RAD51B: variants seen among roughly 807,000 people sequenced by gnomAD.
RAD51B encodes DNA repair protein RAD51 homolog 2.
A neutral mutation model predicts 42.2 loss-of-function variants in RAD51B; 38 were observed. That is an observed-to-expected ratio of 0.90 (90% CI 0.70 to 1.18). The LOEUF is 1.18. RAD51B is among the 50% of genes most tolerant of loss of function. The probability of loss-of-function intolerance (pLI) is 0.00; values close to 1 mark genes in which losing one functional copy is unlikely to be tolerated. For missense variants in RAD51B, 373 were observed against 400.7 expected (o/e 0.93, Z 0.59); for synonymous variants, 154 against 145.2 (o/e 1.06, Z -0.43).
In RAD51B at chr14:68,411,432, G is replaced by A. The variant is rs963572322; in HGVS notation, c.862G>A (p.Gly288Arg). 6.2e-7 allele frequency: 1 copy of A among 1,613,884 alleles called. No individual in the cohort carries two copies. Among genetic ancestry groups the A allele is most frequent in the African/African-American group, 1.3e-5 (1 of 74,926 alleles). ...TTACCATTTCATTTCAGGCACTTCTGGATCCAGCTGTGTGATAGCCGCACT... is the reference window on the plus strand; with the variant it reads ...TTACCATTTCATTTCAGGCACTTCTAGATCCAGCTGTGTGATAGCCGCACT... ...DDLSLSEGTS[G>R]SSCVIAALGN... The change falls in exon 9 of 11, where the codon GGA becomes AGA. Residue 288 changes from glycine to arginine, a missense_variant. Transcript: ENST00000471583.
At chr14:68,253,811 G>T (rs1420133773) in intron 7 of RAD51B, among the ~76,000 whole-genome samples, 1 of 152,156 alleles carries the variant, frequency 6.6e-6, no homozygotes, top group African/African-American at 2.4e-5. Flanking sequence ...TGACATAAAT[G>T]AGATTCAAAC....
intron 1 of RAD51B, among the ~76,000 whole-genome samples, chr14:67,821,759 G>A (rs2040635293): frequency 6.6e-6 from 1 of 152,150 alleles, no homozygotes; most frequent in African/African-American, 2.4e-5. Context: ...ACCTTGTGTG[G>A]CCTATGGTTC....
At chr14:68,642,547 C>T (rs1892483590) in intron 10 of RAD51B, among the ~76,000 whole-genome samples, 1 of 152,088 alleles carries the variant, frequency 6.6e-6, no homozygotes, top group Admixed American at 6.5e-5. Flanking sequence ...TTGATGTTTT[C>T]AAAGGACCAG....
chr14:68,539,079 A>C (rs539255243), intron 10 of RAD51B, among the ~76,000 whole-genome samples: 26 of 152,330 alleles, frequency 1.7e-4, no homozygotes, highest in Non-Finnish European at 3.1e-4. Context: ...ATAAATGCCT[A>C]TAATTTTGCC....
intron 7 of RAD51B, among the ~76,000 whole-genome samples, chr14:68,064,070 A>T (rs1324153241): frequency 6.6e-6 from 1 of 151,954 alleles, no homozygotes; most frequent in East Asian, 1.9e-4. Flanking sequence ...CCATGTTTTC[A>T]TGATGGTAGT....
At position 68,199,306 on chromosome 14, in the gene RAD51B, G is replaced by GT. The variant is rs1485889271; in HGVS notation, c.757-92574dup. ...TAATCTGGCCTTAAATATCATCAGGGTTTTCAGCAGCCAAGTCACACTGTT... is the reference window on the plus strand; with the variant it reads ...TAATCTGGCCTTAAATATCATCAGGGTTTTTCAGCAGCCAAGTCACACTGTT... On this transcript the variant is annotated intron_variant, in intron 7 of 10. Coordinates refer to ENST00000471583, the MANE Select transcript of RAD51B (RefSeq NM_133510.4). 2.0e-5 allele frequency among the ~76,000 whole-genome samples: 3 copies of GT among 152,128 alleles called. 1 individual carries two copies. Among genetic ancestry groups the GT allele is most frequent in the Non-Finnish European group, 4.4e-5 (3 of 68,020 alleles).
intron 10 of RAD51B, among the ~76,000 whole-genome samples, chr14:68,485,116 T>A (rs1386230132): frequency 6.6e-6 from 1 of 152,178 alleles, no homozygotes; most frequent in Admixed American, 6.5e-5. Flanking sequence ...GAAGGCCAGC[T>A]TTTCCTAGAG....
At chr14:68,047,097 A>G (rs916796476) in intron 7 of RAD51B, among the ~76,000 whole-genome samples, 2 of 152,002 alleles carry the variant, frequency 1.3e-5, no homozygotes, top group African/African-American at 4.8e-5. Flanking sequence ...TTGTAGCTGC[A>G]TAAATAAGGT....
At chr14:68,013,575 T>C (rs750288443) in intron 7 of RAD51B, among the ~76,000 whole-genome samples, 2 of 152,216 alleles carry the variant, frequency 1.3e-5, no homozygotes, top group Non-Finnish European at 2.9e-5. Flanking sequence ...TAAACAAATA[T>C]TAATTCATTT....
chr14:67,926,450 G>A (rs928055696), intron 7 of RAD51B, among the ~76,000 whole-genome samples: 2 of 151,760 alleles, frequency 1.3e-5, no homozygotes, highest in African/African-American at 4.8e-5. Context: ...CCTCAGCCTG[G>A]ACCTTATTGC....
At chr14:68,418,251 A>G (rs2084612159) in intron 9 of RAD51B, among the ~76,000 whole-genome samples, 1 of 152,208 alleles carries the variant, frequency 6.6e-6, no homozygotes, top group Admixed American at 6.5e-5. Flanking sequence ...GAATACATGT[A>G]TTGATATATT....
intron 7 of RAD51B, among the ~76,000 whole-genome samples, chr14:68,024,633 C>T (rs1028717419): frequency 6.6e-6 from 1 of 152,032 alleles, no homozygotes; most frequent in Non-Finnish European, 1.5e-5. Flanking sequence ...ATTTGATTCT[C>T]AGCCTGGATG....
At chr14:68,638,822 C>A (rs1196138306) in intron 10 of RAD51B, among the ~76,000 whole-genome samples, 2 of 152,114 alleles carry the variant, frequency 1.3e-5, no homozygotes, top group Non-Finnish European at 2.9e-5. Context: ...ACCTGAACAG[C>A]CCATCTCAGA....
chr14:67,823,760 C>T (rs1051119782), intron 2 of RAD51B, 133 bp downstream of exon 2: 5 of 649,102 alleles, frequency 7.7e-6, no homozygotes, highest in Admixed American at 3.4e-5. Context: ...TTTCCATAGG[C>T]TAATTGTAAA....
At chr14:68,425,038 G>C (rs1298460464) in intron 9 of RAD51B, among the ~76,000 whole-genome samples, 1 of 152,162 alleles carries the variant, frequency 6.6e-6, no homozygotes, top group Non-Finnish European at 1.5e-5. Context: ...GTCATCCAAA[G>C]GGCTGAGATT....
intron 8 of RAD51B, among the ~76,000 whole-genome samples, chr14:68,352,031 G>C (rs2082800634): frequency 6.6e-6 from 1 of 152,172 alleles, no homozygotes; most frequent in South Asian, 2.1e-4. Flanking sequence ...TGGCAACACT[G>C]AGTTTGATGC....
chr14:68,504,556 A>G (rs193111742), intron 10 of RAD51B, among the ~76,000 whole-genome samples: 129 of 150,884 alleles, frequency 8.5e-4, no homozygotes, highest in African/African-American at 2.9e-3. Context: ...GATGCTTGGG[A>G]GGGAAACTCT....
intron 7 of RAD51B, among the ~76,000 whole-genome samples, chr14:68,010,789 G>A (rs1012990067): frequency 2.6e-5 from 4 of 151,758 alleles, no homozygotes; most frequent in African/African-American, 4.8e-5. Context: ...GGTATCTATT[G>A]TAAAATTTAG....
At chr14:68,397,550 A>C (rs2083960922) in intron 8 of RAD51B, among the ~76,000 whole-genome samples, 1 of 152,204 alleles carries the variant, frequency 6.6e-6, no homozygotes, top group Non-Finnish European at 1.5e-5. Flanking sequence ...GGTAAACTGC[A>C]CACTGTTTGG....
Sources: allele counts gnomAD v4.1 joint callset (sites outside exome capture counted in the v4.1 genomes callset), GRCh38; gene constraint gnomAD v4.1.1; transcripts MANE v1.5; gene names NCBI Gene and HGNC (gene_info 2026-07-23, HGNC 2026-07-21).